The following MAD1L1 variants were observed in gnomAD, a reference collection of about 807,000 sequenced individuals.
The protein encoded by MAD1L1 is mitotic spindle assembly checkpoint protein MAD1.
A neutral mutation model predicts 96.9 loss-of-function variants in MAD1L1; 95 were observed. The observed-to-expected ratio is 0.98, with a 90% CI of 0.83 to 1.16. The LOEUF (loss-of-function observed/expected upper bound fraction) is 1.16, where lower values mean the gene tolerates loss of function less well. Ranked by LOEUF, MAD1L1 falls within the 50% of genes most tolerant of loss-of-function variation. MAD1L1 has a pLI of 0.00. For synonymous variants in MAD1L1, 473 were observed against 396.6 expected, an observed-to-expected ratio of 1.19 and a Z score of -2.29; for missense variants, 1,007 against 954.4, an observed-to-expected ratio of 1.06 and a Z score of -0.73.
intron 18 of MAD1L1, among the ~76,000 whole-genome samples, chr7:1,819,617 G>A (rs1480344891): frequency 6.6e-6 from 1 of 152,158 alleles, no homozygotes; most frequent in Non-Finnish European, 1.5e-5. Context: ...CGGTGCCTAG[G>A]GCTGACTAGT....
intron 18 of MAD1L1, among the ~76,000 whole-genome samples, chr7:1,823,467 C>T (rs756515936): frequency 6.6e-5 from 10 of 152,152 alleles, no homozygotes; most frequent in Admixed American, 1.3e-4. Flanking sequence ...ATAAGCTACA[C>T]GACAGGGCGC....
intron 17 of MAD1L1, among the ~76,000 whole-genome samples, chr7:1,934,444 G>A (rs139712708): frequency 3.9e-4 from 59 of 151,796 alleles, no homozygotes; most frequent in African/African-American, 1.4e-3. Context: ...CCCAAGATGC[G>A]CAGAGACCCA....
At chr7:2,139,987 C>T (rs533308952) in intron 11 of MAD1L1, among the ~76,000 whole-genome samples, 50 of 148,812 alleles carry the variant, frequency 3.4e-4, no homozygotes, top group African/African-American at 1.1e-3. Context: ...ACTATCTGGA[C>T]CCCGCCCCCC....
At position 1,938,840 on chromosome 7, in the gene MAD1L1, GCACA is replaced by G. The variant is rs72439038; in HGVS notation, c.1597-1947_1597-1944del. 3.8e-3 allele frequency among the ~76,000 whole-genome samples: 349 copies of G among 90,960 alleles called. 2 individuals carry two copies. Among genetic ancestry groups the G allele is most frequent in the African/African-American group, 0.013 (259 of 20,592 alleles). 59.7% of individuals were successfully genotyped at this position (90,960 alleles called of 152,430 possible). On this transcript the variant is annotated intron_variant, in intron 16 of 18. Coordinates refer to ENST00000265854, the MANE Select transcript of MAD1L1 (RefSeq NM_001013836.2). ...ACACGGGCCAGGGCCGGGGCCAGAGGCACACACACACACACACACACACACACAC... is the reference window on the plus strand; with the variant it reads ...ACACGGGCCAGGGCCGGGGCCAGAGGCACACACACACACACACACACACAC...
At chr7:1,972,289 A>G (rs1228000415) in intron 15 of MAD1L1, among the ~76,000 whole-genome samples, 1 of 152,214 alleles carries the variant, frequency 6.6e-6, no homozygotes, top group Non-Finnish European at 1.5e-5. Flanking sequence ...GATCTTAATT[A>G]TTAACTGTTT....
chr7:2,213,404 G>A lies in MAD1L1; in HGVS notation c.925-131C>T, dbSNP rs191675588. 1.5e-5 allele frequency: 12 copies of A among 806,662 alleles called. No individual in the cohort carries two copies. In the East Asian group the frequency reaches 2.1e-4, roughly 14 times the overall value. The allele number at this position is 806,662 out of a possible 1,614,324, so 50.0% of individuals were successfully genotyped here. On this transcript the variant is annotated intron_variant, in intron 9 of 18. Transcript: ENST00000265854. ...GCCTGCCCTCATCTCTGAGCTGGGC[G>A]CTACATGCTCCAAGTCTGCTTGGAA...
At chr7:2,030,837 C>T (rs1171414053) in intron 12 of MAD1L1, among the ~76,000 whole-genome samples, 1 of 152,210 alleles carries the variant, frequency 6.6e-6, no homozygotes, top group African/African-American at 2.4e-5. Flanking sequence ...CCCCAACCTG[C>T]GCCTGGTGCT....
intron 10 of MAD1L1, among the ~76,000 whole-genome samples, chr7:2,185,752 G>C (rs1637752): frequency 4.6e-5 from 7 of 152,048 alleles, no homozygotes; most frequent in African/African-American, 1.5e-4. Flanking sequence ...AGAACGTGAC[G>C]GTCAGGGTGA....
intron 15 of MAD1L1, among the ~76,000 whole-genome samples, chr7:1,965,460 G>A (rs570792674): frequency 2.0e-5 from 3 of 152,278 alleles, no homozygotes; most frequent in African/African-American, 4.8e-5. Flanking sequence ...CTCTTCTCTC[G>A]CATCCCCTGA....
At chr7:2,040,801 G>C (rs1783639868) in intron 12 of MAD1L1, among the ~76,000 whole-genome samples, 1 of 152,182 alleles carries the variant, frequency 6.6e-6, no homozygotes, top group South Asian at 2.1e-4. Flanking sequence ...ATAATGTCCA[G>C]GACTCTTCAT....
chr7:2,064,966 C>T (rs939807927), intron 12 of MAD1L1, among the ~76,000 whole-genome samples: 17 of 151,980 alleles, frequency 1.1e-4, no homozygotes, highest in African/African-American at 3.9e-4. Context: ...AGAGGCTTCT[C>T]CCGGGAGGAT....
intron 10 of MAD1L1, among the ~76,000 whole-genome samples, chr7:2,168,565 C>A (rs1461849065): frequency 2.0e-5 from 3 of 152,192 alleles, no homozygotes; most frequent in African/African-American, 7.2e-5. Flanking sequence ...AGTTATCTGT[C>A]CTTAAAAGGG....
chr7:2,194,912 A>G (rs1791907452), intron 10 of MAD1L1, among the ~76,000 whole-genome samples: 1 of 152,072 alleles, frequency 6.6e-6, no homozygotes, highest in Admixed American at 6.6e-5. Context: ...CATCTCTACT[A>G]AAAAAACAAA....
rs562394295 is a variant in MAD1L1 at position 2,156,305 on chromosome 7, G to C, written c.987-7067C>G. Among the ~76,000 whole-genome samples the C allele has an allele frequency of 2.0e-5, 3 of 152,212 alleles. No individual in the cohort carries two copies. The East Asian group carries it at 5.8e-4, about 29-fold the overall frequency. ...ATGGTTTCACGGCGCGTGTGGCGAG[G>C]GCAGTGGATGCATGGTTTCACGGTG... On this transcript the variant is annotated intron_variant, in intron 10 of 18. Coordinates refer to ENST00000265854, the MANE Select transcript of MAD1L1 (RefSeq NM_001013836.2).
At chr7:1,851,571 C>T (rs961353399) in intron 18 of MAD1L1, among the ~76,000 whole-genome samples, 22 of 152,120 alleles carry the variant, frequency 1.4e-4, no homozygotes, top group Admixed American at 9.2e-4. Flanking sequence ...GAGGAATGCA[C>T]GATTCCTGGA....
intron 10 of MAD1L1, among the ~76,000 whole-genome samples, chr7:2,194,090 C>T (rs372793903): frequency 6.6e-6 from 1 of 151,840 alleles, no homozygotes; most frequent in East Asian, 1.9e-4. Context: ...ACCATGGGTG[C>T]GTGCCACCAT....
At chr7:1,943,884 T>C (rs1007153242) in intron 16 of MAD1L1, among the ~76,000 whole-genome samples, 3 of 151,908 alleles carry the variant, frequency 2.0e-5, no homozygotes, top group African/African-American at 7.3e-5. Flanking sequence ...GACAGTGGGG[T>C]GTTTCAGCCA....
chr7:1,971,523 A>G (rs1780405459), intron 15 of MAD1L1, among the ~76,000 whole-genome samples: 1 of 152,228 alleles, frequency 6.6e-6, no homozygotes, highest in Admixed American at 6.5e-5. Context: ...ACAGGATGCA[A>G]ATGATGTGTG....
chr7:2,193,811 G>A (rs2128608075), intron 10 of MAD1L1, among the ~76,000 whole-genome samples: 1 of 152,212 alleles, frequency 6.6e-6, no homozygotes, highest in Middle Eastern at 3.4e-3. Context: ...CTCAGGCAAG[G>A]CCACACCGTC....
Sources: gnomAD v4.1 joint callset for allele counts (sites outside exome capture counted in the v4.1 genomes callset) on GRCh38, gnomAD v4.1.1 for gene constraint, MANE v1.5 for transcripts, NCBI Gene and HGNC (gene_info 2026-07-23, HGNC 2026-07-21) for gene names.